The following RBFOX1 variants were observed in gnomAD, a reference collection of about 807,000 sequenced individuals.
The protein encoded by RBFOX1 is RNA binding protein fox-1 homolog 1.
A neutral mutation model predicts 57.7 loss-of-function variants in RBFOX1; 8 were observed. The ratio of observed to expected loss-of-function variants is 0.14; its 90% confidence interval spans 0.08 to 0.25. The LOEUF is 0.25. RBFOX1 is among the 10% of genes least tolerant of loss of function. The probability of loss-of-function intolerance (pLI) is 1.00; values close to 1 mark genes in which losing one functional copy is unlikely to be tolerated. For synonymous variants in RBFOX1, 326 were observed against 222.4 expected (o/e 1.47, Z -4.15); for missense variants, 611 against 548.5 (o/e 1.11, Z -1.14).
intron 1 of RBFOX1, among the ~76,000 whole-genome samples, chr16:5,320,730 C>T (rs531461574): frequency 9.2e-5 from 14 of 152,300 alleles, no homozygotes; most frequent in African/African-American, 3.4e-4. Flanking sequence ...TTGGAGTCTG[C>T]AGTAGGGTTT....
At chr16:7,363,089 C>G (rs753755711) in intron 4 of RBFOX1, among the ~76,000 whole-genome samples, 1 of 152,128 alleles carries the variant, frequency 6.6e-6, no homozygotes, top group African/African-American at 2.4e-5. Context: ...ATGGGATGCG[C>G]TGATGGTGGT....
rs1322821637 is a variant in RBFOX1 at position 7,073,782 on chromosome 16, G to A, written c.27+21684G>A. Among the ~76,000 whole-genome samples, 7 of 152,152 alleles carry A rather than the reference G, an allele frequency of 4.6e-5. No homozygotes were observed. In the East Asian group the frequency reaches 1.3e-3, roughly 29 times the overall value. ...GGGGGCTGAGGCAGGAGGATTGTTT[G>A]AGCCCAAGAGGTCAGAGTGAGCTGT... On this transcript the variant is annotated intron_variant, in intron 4 of 15. Transcript: ENST00000550418.
intron 6 of RBFOX1, among the ~76,000 whole-genome samples, chr16:7,581,600 G>T (rs775529273): frequency 6.6e-6 from 1 of 152,022 alleles, no homozygotes; most frequent in African/African-American, 2.4e-5. Flanking sequence ...ACAGGAATCA[G>T]AGAAGGGATC....
intron 2 of RBFOX1, among the ~76,000 whole-genome samples, chr16:6,344,679 G>T (rs1420375753): frequency 2.1e-5 from 3 of 143,694 alleles, no homozygotes; most frequent in African/African-American, 7.8e-5. Flanking sequence ...TTACAGGCGT[G>T]AGCCACCGAG....
chr16:6,886,854 C>G (rs927104447), intron 3 of RBFOX1, among the ~76,000 whole-genome samples: 4 of 151,666 alleles, frequency 2.6e-5, no homozygotes, highest in African/African-American at 7.3e-5. Context: ...TGAAATATGG[C>G]AAAAATAAAA....
chr16:5,312,567 A>G (rs1433300478), intron 1 of RBFOX1, among the ~76,000 whole-genome samples: 2 of 152,142 alleles, frequency 1.3e-5, no homozygotes, highest in African/African-American at 2.4e-5. Flanking sequence ...CACCTGCCTC[A>G]GCCTCCCAAA....
At chr16:6,273,778 A>C (rs750483708) in intron 1 of RBFOX1, among the ~76,000 whole-genome samples, 14 of 152,272 alleles carry the variant, frequency 9.2e-5, no homozygotes, top group Admixed American at 5.2e-4. Flanking sequence ...GGGAAGCTTC[A>C]GACTTAGAGG....
chr16:5,864,975 T>C (rs905424642), intron 3 of RBFOX1, among the ~76,000 whole-genome samples: 1 of 152,212 alleles, frequency 6.6e-6, no homozygotes, highest in African/African-American at 2.4e-5. Context: ...GCTATGTGTA[T>C]GCCTTTTTAT....
At chr16:7,625,259 C>A (rs75733374) in intron 10 of RBFOX1, among the ~76,000 whole-genome samples, 2,858 of 152,164 alleles carry the variant, frequency 0.019, 85 homozygotes, top group African/African-American at 0.066. Context: ...CAGCAGGAAT[C>A]GCCACATTGA....
chr16:5,759,813 C>G (rs1372218758), intron 3 of RBFOX1, among the ~76,000 whole-genome samples: 1 of 151,896 alleles, frequency 6.6e-6, no homozygotes, highest in East Asian at 1.9e-4. Flanking sequence ...CTTGGCATGG[C>G]AAGCACTTCT....
intron 4 of RBFOX1, among the ~76,000 whole-genome samples, chr16:7,197,032 C>G (rs994682984): frequency 6.6e-6 from 1 of 152,144 alleles, no homozygotes; most frequent in Non-Finnish European, 1.5e-5. Context: ...AGGTGCACAC[C>G]ATAGCCATCT....
chr16:5,464,793 G>C (rs1408864408), intron 1 of RBFOX1, among the ~76,000 whole-genome samples: 1 of 152,226 alleles, frequency 6.6e-6, no homozygotes, highest in African/African-American at 2.4e-5. Context: ...AGGCAATAGA[G>C]AAGGAGGGCT....
chr16:7,071,887 T>A (rs1168655445), intron 4 of RBFOX1, among the ~76,000 whole-genome samples: 1 of 152,146 alleles, frequency 6.6e-6, no homozygotes, highest in Non-Finnish European at 1.5e-5. Context: ...AATTCAGTTG[T>A]TGAGACCAGA....
At position 7,532,101 on chromosome 16, in the gene RBFOX1, C is replaced by G. The variant is rs573275519; in HGVS notation, c.270+13712C>G. 9.4e-4 allele frequency among the ~76,000 whole-genome samples: 140 copies of G among 149,664 alleles called. 1 individual carries two copies. Among genetic ancestry groups the G allele is most frequent in the African/African-American group, 3.2e-3 (131 of 40,842 alleles). On this transcript the variant is annotated intron_variant, in intron 5 of 15. Coordinates refer to ENST00000550418, the MANE Select transcript of RBFOX1 (RefSeq NM_018723.4). Reference sequence around the variant, plus strand: ...CACTATAATTTAAATAGATTGTTCTCTGGCCTTTTTTAGGGGGAGAAACTA... The same window carrying G: ...CACTATAATTTAAATAGATTGTTCTGTGGCCTTTTTTAGGGGGAGAAACTA...
intron 3 of RBFOX1, among the ~76,000 whole-genome samples, chr16:5,815,702 A>G (rs887655852): frequency 6.6e-6 from 1 of 152,200 alleles, no homozygotes; most frequent in South Asian, 2.1e-4. Context: ...TTTATTAAAA[A>G]TTAATCTTCT....
intron 2 of RBFOX1, among the ~76,000 whole-genome samples, chr16:5,537,384 A>G (rs535959832): frequency 9.7e-4 from 147 of 152,328 alleles, no homozygotes; most frequent in African/African-American, 3.5e-3. Context: ...GCTGTGTCAA[A>G]CTACCACAAA....
intron 1 of RBFOX1, among the ~76,000 whole-genome samples, chr16:5,327,144 A>G (rs1278275129): frequency 2.6e-5 from 4 of 152,184 alleles, no homozygotes; most frequent in Non-Finnish European, 5.9e-5. Flanking sequence ...GCAGTTTCTG[A>G]GTGATCATTG....
intron 3 of RBFOX1, among the ~76,000 whole-genome samples, chr16:5,663,008 C>T (rs1393753435): frequency 6.6e-6 from 1 of 152,124 alleles, no homozygotes; most frequent in Non-Finnish European, 1.5e-5. Context: ...AGCAATTTTG[C>T]CTCCCAGAGG....
chr16:6,124,220 A>T (rs147237316), intron 1 of RBFOX1, among the ~76,000 whole-genome samples: 167 of 152,314 alleles, frequency 1.1e-3, no homozygotes, highest in African/African-American at 3.9e-3. Flanking sequence ...TGGTTTGTCC[A>T]TGCTGGGTCC....
Sources: gnomAD v4.1 joint callset for allele counts (sites outside exome capture counted in the v4.1 genomes callset) on GRCh38, gnomAD v4.1.1 for gene constraint, MANE v1.5 for transcripts, NCBI Gene and HGNC (gene_info 2026-07-23, HGNC 2026-07-21) for gene names.